RUNDC3B: variants seen among roughly 807,000 people sequenced by gnomAD.
RUNDC3B encodes the protein RUN domain containing 3B.
In RUNDC3B, 33 loss-of-function variants were observed where a neutral mutation model predicts 58.4. That is an observed-to-expected ratio of 0.56 (90% CI 0.43 to 0.75). The LOEUF is 0.75. Among genes scored for constraint, RUNDC3B ranks in the 30% least tolerant of loss-of-function variants. RUNDC3B has a pLI of 0.00. For missense variants in RUNDC3B, 501 were observed against 535.7 expected (o/e 0.94, Z 0.64); for synonymous variants, 193 against 195.2 (o/e 0.99, Z 0.10).
At chr7:87,686,140 C>T (rs1171797199) in intron 2 of RUNDC3B, among the ~76,000 whole-genome samples, 2 of 151,984 alleles carry the variant, frequency 1.3e-5, no homozygotes, top group Admixed American at 1.3e-4. Flanking sequence ...TTTTGGCTTC[C>T]CTCCACCCAC....
At chr7:87,660,552 A>AC (rs1824592227) in intron 2 of RUNDC3B, among the ~76,000 whole-genome samples, 1 of 151,756 alleles carries the variant, frequency 6.6e-6, no homozygotes, top group Non-Finnish European at 1.5e-5. Context: ...TTTTTTTCTT[A>AC]ACCAGTATTG....
intron 2 of RUNDC3B, among the ~76,000 whole-genome samples, chr7:87,684,934 T>A (rs1347289645): frequency 6.6e-6 from 1 of 151,212 alleles, no homozygotes; most frequent in East Asian, 1.9e-4. Flanking sequence ...ACCTTGTTCC[T>A]TACCTCACAT....
At chr7:87,757,734 G>A (rs1833450001) in intron 6 of RUNDC3B, among the ~76,000 whole-genome samples, 1 of 152,032 alleles carries the variant, frequency 6.6e-6, no homozygotes, top group Non-Finnish European at 1.5e-5. Context: ...AAACAAAACT[G>A]GAAGAATCAA....
At chr7:87,746,556 A>G (rs1832652780) in intron 6 of RUNDC3B, among the ~76,000 whole-genome samples, 1 of 152,182 alleles carries the variant, frequency 6.6e-6, no homozygotes, top group Admixed American at 6.5e-5. Context: ...GCCTTTTACT[A>G]TTGTATAATG....
At chr7:87,797,848 G>A (rs534949324) in intron 8 of RUNDC3B, among the ~76,000 whole-genome samples, 1 of 151,992 alleles carries the variant, frequency 6.6e-6, no homozygotes, top group Non-Finnish European at 1.5e-5. Context: ...ATTCTTTTGC[G>A]ATGCGAATTA....
At chr7:87,643,872 C>A (rs1359742585) in intron 1 of RUNDC3B, among the ~76,000 whole-genome samples, 1 of 151,102 alleles carries the variant, frequency 6.6e-6, no homozygotes, top group Non-Finnish European at 1.5e-5. Flanking sequence ...AGGGAAATTA[C>A]TTTTTTTGTT....
At chr7:87,796,360 A>C (rs1158882166) in intron 8 of RUNDC3B, among the ~76,000 whole-genome samples, 2 of 152,182 alleles carry the variant, frequency 1.3e-5, no homozygotes, top group African/African-American at 2.4e-5. Context: ...TAATGGGTAC[A>C]ATAAAAATAA....
At chr7:87,824,315 G>A (rs754347124) in intron 10 of RUNDC3B, among the ~76,000 whole-genome samples, 5 of 152,184 alleles carry the variant, frequency 3.3e-5, no homozygotes, top group Non-Finnish European at 7.3e-5. Context: ...TCTCATGATA[G>A]TGAATGAGTC....
intron 2 of RUNDC3B, among the ~76,000 whole-genome samples, chr7:87,667,726 G>T (rs948246715): frequency 6.6e-6 from 1 of 152,046 alleles, no homozygotes; most frequent in Non-Finnish European, 1.5e-5. Context: ...GGCCTTTTCT[G>T]TGTCTATTGA....
chr7:87,668,253 G>C (rs1202094947), intron 2 of RUNDC3B, among the ~76,000 whole-genome samples: 4 of 151,796 alleles, frequency 2.6e-5, no homozygotes, highest in Non-Finnish European at 5.9e-5. Flanking sequence ...ATCTCTTCTA[G>C]GTTTTCTAGT....
intron 2 of RUNDC3B, among the ~76,000 whole-genome samples, chr7:87,655,547 G>T (rs907419082): frequency 1.3e-5 from 2 of 152,128 alleles, no homozygotes; most frequent in Non-Finnish European, 2.9e-5. Context: ...GAGTAGAATG[G>T]TGGTTACCGT....
At chr7:87,816,391 A>C in intron 10 of RUNDC3B, 129 bp downstream of exon 10, 1 of 666,508 alleles carries the variant, frequency 1.5e-6, no homozygotes, top group Non-Finnish European at 2.4e-6. Flanking sequence ...AGCCATTATG[A>C]TTAAAAATGG....
At chr7:87,701,193 T>C (rs1438713227) in intron 3 of RUNDC3B, among the ~76,000 whole-genome samples, 1 of 152,214 alleles carries the variant, frequency 6.6e-6, no homozygotes, top group Non-Finnish European at 1.5e-5. Context: ...TTTAATGTAA[T>C]ATGATTTTAC....
intron 2 of RUNDC3B, among the ~76,000 whole-genome samples, chr7:87,679,745 T>C (rs1310871891): frequency 2.0e-5 from 3 of 150,132 alleles, no homozygotes; most frequent in African/African-American, 7.4e-5. Flanking sequence ...AGAATATATA[T>C]TCTTTTCGAG....
chr7:87,691,409 T>C (rs1198861578), intron 2 of RUNDC3B, among the ~76,000 whole-genome samples: 3 of 152,206 alleles, frequency 2.0e-5, no homozygotes, highest in Admixed American at 2.0e-4. Flanking sequence ...ACTGTTGTAT[T>C]TGAATGCATT....
Position 87,628,890 on chromosome 7 carries a change from A to T in RUNDC3B, c.67A>T (p.Ser23Cys). 7.7e-7 allele frequency: 1 copy of T among 1,302,218 alleles called. No individual in the cohort carries two copies. The highest frequency in any genetic ancestry group is 9.8e-7 in the Non-Finnish European group (1 of 1,017,874). 80.7% of individuals were successfully genotyped at this position (1,302,218 alleles called of 1,614,324 possible). Residue 23 changes from serine to cysteine, a missense_variant, in exon 1 of 11, where the codon AGC becomes TGC. Transcript: ENST00000394654. ...CGGTGGCGGCGGAGGCGGCAAGAAA[A>T]GCCTGAGCGCCCGCAATGCTGCGGT... ...RGGGGGGGKK[S>C]LSARNAAVER... is the part of the protein sequence containing the mutation.
chr7:87,737,074 A>AT (rs1832029776), intron 4 of RUNDC3B, among the ~76,000 whole-genome samples: 1 of 149,490 alleles, frequency 6.7e-6, no homozygotes, highest in Non-Finnish European at 1.5e-5. Flanking sequence ...ATTTTTTTGT[A>AT]TTTTTTGTAT....
At chr7:87,666,442 C>G (rs1825259680) in intron 2 of RUNDC3B, among the ~76,000 whole-genome samples, 1 of 152,046 alleles carries the variant, frequency 6.6e-6, no homozygotes, top group South Asian at 2.1e-4. Context: ...TGTAGGTTGT[C>G]TCTTTACTCT....
chr7:87,707,992 T>C (rs1198283788), intron 3 of RUNDC3B, among the ~76,000 whole-genome samples: 13 of 151,938 alleles, frequency 8.6e-5, no homozygotes, highest in African/African-American at 2.9e-4. Flanking sequence ...ATAATGAAAA[T>C]ATAACATATA....
Sources: gnomAD v4.1 joint callset for allele counts (sites outside exome capture counted in the v4.1 genomes callset) on GRCh38, gnomAD v4.1.1 for gene constraint, MANE v1.5 for transcripts, NCBI Gene and HGNC (gene_info 2026-07-23, HGNC 2026-07-21) for gene names.